The following FBN1 variants were observed in gnomAD, a reference collection of about 807,000 sequenced individuals.
The protein encoded by FBN1 is fibrillin 1.
FBN1 carries 29 observed loss-of-function variants against 365.1 expected under a neutral mutation model. The observed-to-expected ratio is 0.08, with a 90% CI of 0.06 to 0.11. The LOEUF (loss-of-function observed/expected upper bound fraction) is 0.11. Ranked by LOEUF, FBN1 falls within the 10% of genes least tolerant of loss-of-function variation. The pLI is 1.00. For missense variants in FBN1, 2,476 were observed against 3,703.2 expected, an observed-to-expected ratio of 0.67 and a Z score of 8.60; for synonymous variants, 1,210 against 1,270.5, an observed-to-expected ratio of 0.95 and a Z score of 1.01.
At position 48,445,521 on chromosome 15, in the gene FBN1, A is replaced by G. The variant is rs1368903965; in HGVS notation, c.5789-17T>C. On this transcript the variant is annotated splice_polypyrimidine_tract_variant and intron_variant, in intron 47 of 65. Transcript: ENST00000316623. ...CATCAACATCTGCAGAAAAATCCCC[A>G]ACAATCCTTTAATATATTCCAAAGA... 6.2e-7 allele frequency: 1 copy of G among 1,610,820 alleles called. No homozygotes were observed. Among genetic ancestry groups the G allele is most frequent in the Admixed American group, 1.7e-5 (1 of 59,888 alleles).
chr15:48,537,580 T>A (rs767243454), intron 7 of FBN1, 31 bp downstream of exon 7: 8 of 1,612,432 alleles, frequency 5.0e-6, no homozygotes, highest in Non-Finnish European at 6.8e-6. Flanking sequence ...ATAAGATTAA[T>A]CCATTAATAA....
intron 31 of FBN1, among the ~76,000 whole-genome samples, chr15:48,482,231 A>AT (rs1039757881): frequency 6.6e-6 from 1 of 152,192 alleles, no homozygotes; most frequent in Non-Finnish European, 1.5e-5. Context: ...AAAATTATTC[A>AT]TTTTTTATGA....
At chr15:48,630,690 C>T (rs566092929) in intron 2 of FBN1, among the ~76,000 whole-genome samples, 2 of 145,308 alleles carry the variant, frequency 1.4e-5, no homozygotes, top group South Asian at 4.4e-4. Flanking sequence ...CGAGATTGTG[C>T]CACTGCACTC....
chr15:48,637,676 G>A (rs1890118798), intron 2 of FBN1, among the ~76,000 whole-genome samples: 1 of 152,052 alleles, frequency 6.6e-6, no homozygotes, highest in South Asian at 2.1e-4. Context: ...CATCAAAATT[G>A]CTCAGAGTTC....
chr15:48,504,914 A>G (rs2043695150), intron 16 of FBN1, 111 bp downstream of exon 16: 1 of 1,432,740 alleles, frequency 7.0e-7, no homozygotes, highest in Non-Finnish European at 9.8e-7. Context: ...TTGCTCTGCA[A>G]ATATTCTTTA....
At chr15:48,548,467 G>T (rs2044114160) in intron 6 of FBN1, among the ~76,000 whole-genome samples, 1 of 152,194 alleles carries the variant, frequency 6.6e-6, no homozygotes, top group Admixed American at 6.5e-5. Context: ...GCCCAGTGGA[G>T]CCAGTGGCAG....
intron 2 of FBN1, chr15:48,641,258 A>G (rs1890191676): frequency 6.6e-6 from 1 of 152,062 alleles, no homozygotes; most frequent in Admixed American, 6.6e-5. Flanking sequence ...GGATGCCTAA[A>G]TTTCCACTGT....
intron 2 of FBN1, among the ~76,000 whole-genome samples, chr15:48,615,560 A>G (rs887778444): frequency 1.3e-5 from 2 of 152,198 alleles, no homozygotes; most frequent in Admixed American, 6.5e-5. Flanking sequence ...TACAAAAGAA[A>G]ATGTAAATGT....
intron 17 of FBN1, among the ~76,000 whole-genome samples, chr15:48,501,085 T>C (rs1456167162): frequency 6.6e-6 from 1 of 152,196 alleles, no homozygotes; most frequent in Non-Finnish European, 1.5e-5. Flanking sequence ...TTCATTCAAA[T>C]ATAAGACAAA....
chr15:48,472,476 AAAG>A, intron 35 of FBN1, 72 bp downstream of exon 35: 3 of 1,543,662 alleles, frequency 1.9e-6, no homozygotes, highest in Admixed American at 1.9e-5. Flanking sequence ...AAAAAAAAAA[AAAG>A]CATCAGGAAT....
At position 48,487,442 on chromosome 15, in the gene FBN1, A is replaced by T. The variant is rs1339110124; in HGVS notation, c.3338-5T>A. ...CTCTCTGACACTCATCAATATCTGCAAAATGGAAATGACCATGTTAAAGGT... is the reference window on the plus strand; with the variant it reads ...CTCTCTGACACTCATCAATATCTGCTAAATGGAAATGACCATGTTAAAGGT... On this transcript the variant is annotated splice_region_variant and splice_polypyrimidine_tract_variant and intron_variant, in intron 27 of 65. Coordinates refer to ENST00000316623, the MANE Select transcript of FBN1 (RefSeq NM_000138.5). The T allele has an allele frequency of 6.2e-7, 1 of 1,613,854 alleles. No individual in the cohort carries two copies. Among genetic ancestry groups the T allele is most frequent in the African/African-American group, 1.3e-5 (1 of 75,024 alleles).
Position 48,426,299 on chromosome 15 carries a change from T to C in FBN1, c.7205-435A>G, listed in dbSNP as rs530291511. The stretch of plus-strand genomic sequence containing the variant: ...ACCCCCTAGTATTGCATGCTCAAAA[T>C]AAGTAAGGTTTTTTGTTTTTTGTTT... On this transcript the variant is annotated intron_variant, in intron 58 of 65. Coordinates refer to ENST00000316623, the MANE Select transcript of FBN1 (RefSeq NM_000138.5). 3.9e-5 allele frequency among the ~76,000 whole-genome samples: 6 copies of C among 152,312 alleles called. No homozygotes were observed. In the South Asian group the frequency reaches 1.2e-3, roughly 32 times the overall value.
chr15:48,421,009 G>T (rs1647164716), intron 62 of FBN1, among the ~76,000 whole-genome samples: 1 of 152,024 alleles, frequency 6.6e-6, no homozygotes, highest in Non-Finnish European at 1.5e-5. Context: ...AATAAAAATT[G>T]TCAGGAAATT....
intron 15 of FBN1, among the ~76,000 whole-genome samples, chr15:48,507,961 G>C (rs182195662): frequency 3.7e-4 from 56 of 152,130 alleles, no homozygotes; most frequent in African/African-American, 1.3e-3. Flanking sequence ...CCTCATTTTT[G>C]CTTCGATACC....
intron 6 of FBN1, among the ~76,000 whole-genome samples, chr15:48,583,659 C>T (rs1397773182): frequency 1.3e-5 from 2 of 152,142 alleles, no homozygotes; most frequent in Non-Finnish European, 2.9e-5. Context: ...CCCTTCTGTA[C>T]CTGTATGTCA....
rs397515787 is a variant in FBN1, at chr15:48,488,244, G to T, written c.3209-3C>A. ...AGATATGCGGCATTCGTCAATGTCT[G>T]CACAAAAACAGCAAGTGGCAGCAAA... is the stretch of plus-strand genomic sequence containing the variant. On this transcript the variant is annotated splice_polypyrimidine_tract_variant and splice_region_variant and intron_variant, in intron 26 of 65. Transcript: ENST00000316623. 9.3e-6 allele frequency: 15 copies of T among 1,614,080 alleles called. No homozygotes were observed. Among genetic ancestry groups the T allele is most frequent in the Non-Finnish European group, 9.3e-6 (11 of 1,180,044 alleles).
chr15:48,582,254 G>A (rs1164173529), intron 6 of FBN1, among the ~76,000 whole-genome samples: 3 of 152,178 alleles, frequency 2.0e-5, no homozygotes, highest in African/African-American at 7.2e-5. Flanking sequence ...GGGCTACTGC[G>A]TGTCAGGCAT....
intron 6 of FBN1, among the ~76,000 whole-genome samples, chr15:48,578,884 A>T (rs1406374819): frequency 2.1e-5 from 3 of 142,326 alleles, no homozygotes; most frequent in Non-Finnish European, 4.6e-5. Flanking sequence ...GAGGGATAGC[A>T]TTGGGAGATA....
chr15:48,460,100 G>C, intron 43 of FBN1, 146 bp downstream of exon 43: 2 of 696,912 alleles, frequency 2.9e-6, no homozygotes, highest in Non-Finnish European at 5.3e-6. Context: ...TGCACAGTTT[G>C]TTTCAAACTA....
Sources: gnomAD v4.1 joint callset for allele counts (sites outside exome capture counted in the v4.1 genomes callset) on GRCh38, gnomAD v4.1.1 for gene constraint, MANE v1.5 for transcripts, NCBI Gene and HGNC (gene_info 2026-07-23, HGNC 2026-07-21) for gene names.